IQCH: variants seen among roughly 807,000 people sequenced by gnomAD.
IQCH encodes the protein IQ motif containing H.
In IQCH, 98 loss-of-function variants were observed where a neutral mutation model predicts 117.0. That is an observed-to-expected ratio of 0.84 (90% confidence interval 0.71 to 0.99). The LOEUF (loss-of-function observed/expected upper bound fraction) is 0.99. Among genes scored for constraint, IQCH ranks in the 50% least tolerant of loss-of-function variants. The pLI is 0.00. For synonymous variants in IQCH, 412 were observed against 448.2 expected (o/e 0.92, Z 1.02); for missense variants, 1,102 against 1,243.8 (o/e 0.89, Z 1.72).
chr15:67,261,283 C>G lies in IQCH; in HGVS notation c.63C>G (p.Asp21Glu). ...TTTTATACCTATAGATCCATGAAGA[C>G]CTTTATCAGTTAAAGGAGAAATTAA... is the stretch of plus-strand genomic sequence containing the variant. ...VGSILIQIHE[D>E]LYQLKEKLTK... The change falls in exon 2 of 21, where the codon GAC becomes GAG. Residue 21 changes from aspartate to glutamate, a missense_variant. By Grantham distance (45) the Asp-to-Glu change is conservative. Transcript: ENST00000335894. 1.9e-6 allele frequency: 3 copies of G among 1,542,876 alleles called. No individual in the cohort carries two copies. The highest frequency in any genetic ancestry group is 2.6e-6 in the Non-Finnish European group (3 of 1,139,100).
In IQCH at chr15:67,465,245, T is replaced by A; in HGVS notation, c.2624T>A (p.Phe875Tyr). The A allele has an allele frequency of 6.2e-7, 1 of 1,614,078 alleles. No individual in the cohort carries two copies. Among genetic ancestry groups the A allele is most frequent in the African/African-American group, 1.3e-5 (1 of 75,014 alleles). The stretch of plus-strand genomic sequence containing the variant: ...TTGAGCACCCTGGAAGTGCCCCGCT[T>A]TGTTCCAAAGGAAAGGAAGAAAACC... Reference protein sequence around the residue: ...CSLSTLEVPRFVPKERKKTKC... With the variant: ...CSLSTLEVPRYVPKERKKTKC... The change falls in exon 17 of 21, where the codon TTT (phenylalanine) becomes TAT (tyrosine). Residue 875 changes from phenylalanine (F) to tyrosine (Y), a missense_variant. By Grantham distance (22) the Phe-to-Tyr change is conservative (BLOSUM62 3). This residue lies in a region of IQCH where 650 missense variants were observed against 794.3 expected (regional missense o/e 0.82). Transcript: ENST00000335894. The surrounding 1 kb of genome is among the most constrained non-coding windows in gnomAD (Gnocchi z 5.9).
At chr15:67,358,585 G>T (rs548732341) in intron 7 of IQCH, among the ~76,000 whole-genome samples, 1 of 152,154 alleles carries the variant, frequency 6.6e-6, no homozygotes, top group East Asian at 1.9e-4. Context: ...CTGGACTTTT[G>T]TACCTTGCTT....
At position 67,433,233 on chromosome 15, in the gene IQCH, G is replaced by C. The variant is rs1384847198; in HGVS notation, c.2505+11656G>C. On this transcript the variant is annotated intron_variant, in intron 16 of 20. Coordinates refer to ENST00000335894, the MANE Select transcript of IQCH (RefSeq NM_001031715.3). The surrounding 1 kb of genome is among the most constrained non-coding windows in gnomAD (Gnocchi z 5.4). Reference sequence around the variant, plus strand: ...TGTCAATGAAAGAGACCTATAATATGCAAGTAATAGTAATGATGATGGCAA... The same window carrying C: ...TGTCAATGAAAGAGACCTATAATATCCAAGTAATAGTAATGATGATGGCAA... Among the ~76,000 whole-genome samples the C allele has an allele frequency of 1.3e-5, 2 of 152,174 alleles. No homozygotes were observed. Among genetic ancestry groups the C allele is most frequent in the African/African-American group, 4.8e-5 (2 of 41,446 alleles).
At chr15:67,268,907 A>G (rs893086927) in intron 3 of IQCH, among the ~76,000 whole-genome samples, 1 of 149,310 alleles carries the variant, frequency 6.7e-6, no homozygotes. Flanking sequence ...TTTTTAAAAC[A>G]AAAAAACAAA....
intron 12 of IQCH, among the ~76,000 whole-genome samples, chr15:67,392,598 A>G (rs1001497135): frequency 6.6e-6 from 1 of 151,954 alleles, no homozygotes; most frequent in Non-Finnish European, 1.5e-5. Context: ...GCAACATGAC[A>G]GAACTCGGTC....
intron 13 of IQCH, among the ~76,000 whole-genome samples, chr15:67,396,049 A>G (rs1449332092): frequency 6.6e-6 from 1 of 152,164 alleles, no homozygotes; most frequent in Admixed American, 6.5e-5. Context: ...TTTCCAAACT[A>G]TTTACTCATT....
At position 67,364,460 on chromosome 15, in the gene IQCH, C is replaced by G. The variant is rs551990994; in HGVS notation, c.753+4575C>G. Among the ~76,000 whole-genome samples the G allele has an allele frequency of 6.6e-6, 1 of 151,508 alleles. No homozygotes were observed. Among genetic ancestry groups the G allele is most frequent in the African/African-American group, 2.4e-5 (1 of 41,214 alleles). Reference sequence around the variant, plus strand: ...GTGGAACAATTTTTCTTGTAATTACCGAGAAAAACTACAAGGACTGTTTTT... The same window carrying G: ...GTGGAACAATTTTTCTTGTAATTACGGAGAAAAACTACAAGGACTGTTTTT... On this transcript the variant is annotated intron_variant, in intron 8 of 20. Coordinates refer to ENST00000335894, the MANE Select transcript of IQCH (RefSeq NM_001031715.3). This position sits in a 1 kb window ranked among gnomAD's most constrained non-coding sequence, Gnocchi z 4.1.
intron 4 of IQCH, among the ~76,000 whole-genome samples, chr15:67,290,058 T>C (rs898232327): frequency 1.3e-5 from 2 of 152,090 alleles, no homozygotes; most frequent in Non-Finnish European, 2.9e-5. Context: ...ATTCGACTGG[T>C]AATATAATTC....
At chr15:67,286,379 A>G (rs188519875) in intron 4 of IQCH, among the ~76,000 whole-genome samples, 1 of 152,264 alleles carries the variant, frequency 6.6e-6, no homozygotes, top group East Asian at 1.9e-4. Context: ...ATCTGCAAAC[A>G]AGGATAATTT....
intron 16 of IQCH, among the ~76,000 whole-genome samples, chr15:67,450,315 A>G (rs2082491494): frequency 6.6e-6 from 1 of 152,202 alleles, no homozygotes; most frequent in African/African-American, 2.4e-5. Context: ...TTCAAAGGGA[A>G]TGCTTCCAGT....
At position 67,463,361 on chromosome 15, in the gene IQCH, T is replaced by A. The variant is rs1472646309; in HGVS notation, c.2506-1766T>A. ...GCATGTCTTATATTAAACACAAACA[T>A]GTTCTGATCCTCTGCAACTTTAGTT... On this transcript the variant is annotated intron_variant, in intron 16 of 20. Transcript: ENST00000335894. This position sits in a 1 kb window ranked among gnomAD's most constrained non-coding sequence, Gnocchi z 4.0. Among the ~76,000 whole-genome samples the A allele has an allele frequency of 6.6e-6, 1 of 152,194 alleles. No individual in the cohort carries two copies. Among genetic ancestry groups the A allele is most frequent in the Non-Finnish European group, 1.5e-5 (1 of 68,032 alleles).
intron 18 of IQCH, among the ~76,000 whole-genome samples, chr15:67,478,617 G>C (rs566706354): frequency 6.6e-6 from 1 of 151,938 alleles, no homozygotes; most frequent in African/African-American, 2.4e-5. Flanking sequence ...AGGAGGAGGG[G>C]ATAATCAGAA....
chr15:67,390,677 C>G lies in IQCH; in HGVS notation c.1632+1671C>G, dbSNP rs372175545. Among the ~76,000 whole-genome samples the G allele has an allele frequency of 3.6e-4, 55 of 152,014 alleles. No individual in the cohort carries two copies. The highest frequency in any genetic ancestry group is 1.2e-3 in the African/African-American group (49 of 41,478). On this transcript the variant is annotated intron_variant, in intron 12 of 20. Transcript: ENST00000335894. The surrounding 1 kb of genome is among the most constrained non-coding windows in gnomAD (Gnocchi z 5.0). ...CTAATTTTTGTATTTTTAGTAGAGA[C>G]AGGGTTTCATTATGTTGGCCAGGCT...
rs1971254298 is a variant in IQCH at position 67,390,647 on chromosome 15, C to T, written c.1632+1641C>T. Among the ~76,000 whole-genome samples the T allele has an allele frequency of 6.6e-6, 1 of 152,022 alleles. No homozygotes were observed. Among genetic ancestry groups the T allele is most frequent in the African/African-American group, 2.4e-5 (1 of 41,366 alleles). On this transcript the variant is annotated intron_variant, in intron 12 of 20. Transcript: ENST00000335894. This position sits in a 1 kb window ranked among gnomAD's most constrained non-coding sequence, Gnocchi z 5.0. ...GGGATTACAGGTGTGTGCCACCACA[C>T]CCAGCTAATTTTTGTATTTTTAGTA...
At chr15:67,396,380 A>T (rs1462141625) in intron 13 of IQCH, among the ~76,000 whole-genome samples, 1 of 152,074 alleles carries the variant, frequency 6.6e-6, no homozygotes, top group Non-Finnish European at 1.5e-5. Flanking sequence ...AAACTGGGGA[A>T]GTAAGACAGC....
At chr15:67,298,012 A>C (rs930646511) in intron 4 of IQCH, among the ~76,000 whole-genome samples, 1 of 152,150 alleles carries the variant, frequency 6.6e-6, no homozygotes, top group Non-Finnish European at 1.5e-5. Context: ...ATCTGTTTTT[A>C]AAATGGGCAA....
At chr15:67,439,771 C>G (rs1190839461) in intron 16 of IQCH, among the ~76,000 whole-genome samples, 2 of 151,586 alleles carry the variant, frequency 1.3e-5, no homozygotes, top group East Asian at 3.9e-4. Context: ...GCCTGTAGTC[C>G]CAGCTACTTG....
chr15:67,283,701 C>A (rs537652051), intron 4 of IQCH, among the ~76,000 whole-genome samples: 72 of 151,628 alleles, frequency 4.7e-4, no homozygotes, highest in Non-Finnish European at 9.1e-4. Context: ...ATTTTTGTTT[C>A]GATATAAAAG....
At chr15:67,351,933 A>G (rs1316239233) in intron 6 of IQCH, among the ~76,000 whole-genome samples, 1 of 152,122 alleles carries the variant, frequency 6.6e-6, no homozygotes, top group East Asian at 1.9e-4. Context: ...ATCGTTATCC[A>G]TTTAGCATTT....
Sources: gnomAD v4.1 joint callset for allele counts (sites outside exome capture counted in the v4.1 genomes callset) on GRCh38, gnomAD v4.1.1 for gene constraint, gnomAD v4.1.1 regional missense constraint, Gnocchi (gnomAD v3.1) non-coding constraint, MANE v1.5 for transcripts, NCBI Gene and HGNC (gene_info 2026-07-23, HGNC 2026-07-21) for gene names.